THSD4: variants seen among roughly 807,000 people sequenced by gnomAD.
THSD4 encodes thrombospondin type 1 domain containing 4.
In THSD4, 69 loss-of-function variants were observed where a neutral mutation model predicts 119.0. The observed-to-expected ratio is 0.58, with a 90% CI of 0.48 to 0.71. The LOEUF is 0.71. Among genes scored for constraint, THSD4 ranks in the 30% least tolerant of loss-of-function variants. The pLI is 0.00. For missense variants in THSD4, 1,393 were observed against 1,391.1 expected (o/e 1.00, Z -0.02); for synonymous variants, 524 against 540.4 (o/e 0.97, Z 0.42).
intron 3 of THSD4, among the ~76,000 whole-genome samples, chr15:71,207,292 T>C (rs976950333): frequency 6.6e-6 from 1 of 152,328 alleles, no homozygotes; most frequent in Admixed American, 6.5e-5. Context: ...TCATGTTTCA[T>C]GGAGACCATG....
chr15:71,284,616 A>T (rs550802269), intron 6 of THSD4, among the ~76,000 whole-genome samples: 1 of 152,308 alleles, frequency 6.6e-6, no homozygotes, highest in South Asian at 2.1e-4. Context: ...TTGTCTTCAC[A>T]TGTAAATAAC....
intron 6 of THSD4, among the ~76,000 whole-genome samples, chr15:71,410,427 A>C (rs889368634): frequency 6.6e-6 from 1 of 152,182 alleles, no homozygotes; most frequent in Non-Finnish European, 1.5e-5. Context: ...AATGCAAGCG[A>C]AGTACAAATG....
intron 4 of THSD4, among the ~76,000 whole-genome samples, chr15:71,234,344 C>T (rs572035900): frequency 2.0e-5 from 3 of 152,262 alleles, no homozygotes; most frequent in East Asian, 1.9e-4. Flanking sequence ...ACTCTCCACT[C>T]GCCCAGGCTG....
intron 6 of THSD4, among the ~76,000 whole-genome samples, chr15:71,289,169 T>C (rs534800349): frequency 5.3e-5 from 8 of 152,262 alleles, no homozygotes; most frequent in African/African-American, 1.9e-4. Flanking sequence ...CCACAGCTCC[T>C]AGCCTCATGT....
At chr15:71,265,736 T>C (rs72759657) in intron 6 of THSD4, among the ~76,000 whole-genome samples, 10,183 of 152,254 alleles carry the variant, frequency 0.067, 450 homozygotes, top group South Asian at 0.14. Flanking sequence ...CACAGCAGTC[T>C]GAAGTCGACC....
intron 6 of THSD4, among the ~76,000 whole-genome samples, chr15:71,271,160 A>T (rs976303513): frequency 1.3e-5 from 2 of 149,802 alleles, no homozygotes; most frequent in African/African-American, 4.9e-5. Flanking sequence ...CATAAAAAAA[A>T]ATTTGCCCAA....
Position 71,145,029 on chromosome 15 carries a change from C to A in THSD4, c.29+3473C>A, listed in dbSNP as rs867301355. 2.6e-5 allele frequency among the ~76,000 whole-genome samples: 4 copies of A among 151,284 alleles called. No homozygotes were observed. The South Asian group carries it at 8.3e-4, about 32-fold the overall frequency. On this transcript the variant is annotated intron_variant, in intron 2 of 17. Coordinates refer to ENST00000261862, the MANE Select transcript of THSD4 (RefSeq NM_024817.3). ...ATGCACTTTTTTTTTTTTGGATGCA[C>A]AATTACATCTTTATTTGTTTGTTCA... is the stretch of plus-strand genomic sequence containing the variant.
At chr15:71,534,695 C>T (rs2048665381) in intron 7 of THSD4, among the ~76,000 whole-genome samples, 1 of 152,096 alleles carries the variant, frequency 6.6e-6, no homozygotes, top group African/African-American at 2.4e-5. Context: ...TATTAAGATA[C>T]AATTTATGGC....
chr15:71,695,717 GT>G (rs1455889359), intron 8 of THSD4, among the ~76,000 whole-genome samples: 1 of 152,130 alleles, frequency 6.6e-6, no homozygotes, highest in African/African-American at 2.4e-5. Context: ...CAGGACGGAT[GT>G]TGCTTTCTTC....
At chr15:71,559,527 G>A (rs2049077408) in intron 7 of THSD4, among the ~76,000 whole-genome samples, 1 of 150,870 alleles carries the variant, frequency 6.6e-6, no homozygotes, top group Non-Finnish European at 1.5e-5. Context: ...CTGCCATCTT[G>A]ACCCTACATA....
At chr15:71,215,726 C>A (rs905110161) in intron 4 of THSD4, among the ~76,000 whole-genome samples, 2 of 151,902 alleles carry the variant, frequency 1.3e-5, no homozygotes, top group Admixed American at 1.3e-4. Context: ...TGTCCGGGTG[C>A]CGGGAAGGAG....
In THSD4 at chr15:71,338,328, G is replaced by GA. The variant is rs949643839; in HGVS notation, c.1016-73356dup. On this transcript the variant is annotated intron_variant, in intron 6 of 17. Coordinates refer to ENST00000261862, the MANE Select transcript of THSD4 (RefSeq NM_024817.3). The stretch of plus-strand genomic sequence containing the variant: ...ACTCAGCAGTAGGACAGGAAGATCT[G>GA]AAAGCAAGGGGTCTGCTTCATGTAG... Among the ~76,000 whole-genome samples the GA allele has an allele frequency of 8.7e-4, 130 of 149,230 alleles. 1 individual carries two copies. Among genetic ancestry groups the GA allele is most frequent in the African/African-American group, 3.1e-3 (125 of 40,456 alleles).
In THSD4 at chr15:71,361,849, G is replaced by A. The variant is rs528761144; in HGVS notation, c.1016-49838G>A. Among the ~76,000 whole-genome samples, 17 of 152,284 alleles carry A rather than the reference G, an allele frequency of 1.1e-4. No individual in the cohort carries two copies. In the South Asian group the frequency reaches 2.7e-3, roughly 24 times the overall value. The stretch of plus-strand genomic sequence containing the variant: ...ACTTTGTGTATGTGCTGATCTGGAC[G>A]AGTCACCAAAATAAAGTGTTGAGTG... On this transcript the variant is annotated intron_variant, in intron 6 of 17. Coordinates refer to ENST00000261862, the MANE Select transcript of THSD4 (RefSeq NM_024817.3).
intron 6 of THSD4, among the ~76,000 whole-genome samples, chr15:71,307,722 C>G (rs909575471): frequency 4.6e-5 from 7 of 152,126 alleles, no homozygotes; most frequent in African/African-American, 1.4e-4. Context: ...GAGCTGAGAT[C>G]GCACCACTGC....
chr15:71,477,429 C>T (rs536429625), intron 7 of THSD4, among the ~76,000 whole-genome samples: 10 of 152,324 alleles, frequency 6.6e-5, no homozygotes, highest in African/African-American at 2.4e-4. Context: ...TCATTTTCCC[C>T]ACCCTGAAGA....
At position 71,139,464 on chromosome 15, in the gene THSD4, G is replaced by A. The variant is rs1054663606; in HGVS notation, c.-79-1985G>A. ...AGAAGACCACACCTCTGATTCAAAG[G>A]CATTTTAACTGTTCCAATTTGCACT... On this transcript the variant is annotated intron_variant, in intron 1 of 17. Coordinates refer to ENST00000261862, the MANE Select transcript of THSD4 (RefSeq NM_024817.3). Among the ~76,000 whole-genome samples, 3 of 152,140 alleles carry A rather than the reference G, an allele frequency of 2.0e-5. No individual in the cohort carries two copies. The East Asian group carries it at 5.8e-4, about 29-fold the overall frequency.
At chr15:71,118,393 G>A (rs1267918922) in intron 1 of THSD4, among the ~76,000 whole-genome samples, 1 of 152,030 alleles carries the variant, frequency 6.6e-6, no homozygotes, top group African/African-American at 2.4e-5. Context: ...AATTTTGCCA[G>A]GCAGTGTATC....
intron 1 of THSD4, among the ~76,000 whole-genome samples, chr15:71,108,139 G>A (rs1041109474): frequency 5.3e-5 from 8 of 152,200 alleles, no homozygotes; most frequent in African/African-American, 1.9e-4. Context: ...TGGAGACATT[G>A]AGATGAGGTG....
chr15:71,387,030 T>G (rs192069266), intron 6 of THSD4, among the ~76,000 whole-genome samples: 1 of 152,320 alleles, frequency 6.6e-6, no homozygotes, highest in East Asian at 1.9e-4. Flanking sequence ...TGCTGTCTTT[T>G]TCTTTTCTGG....
Sources: gnomAD v4.1 joint callset for allele counts (sites outside exome capture counted in the v4.1 genomes callset) on GRCh38, gnomAD v4.1.1 for gene constraint, MANE v1.5 for transcripts, NCBI Gene and HGNC (gene_info 2026-07-23, HGNC 2026-07-21) for gene names.